The following PPP3CA variants were observed in gnomAD, a reference collection of about 807,000 sequenced individuals.
PPP3CA encodes CAM-PRP catalytic subunit.
PPP3CA carries 14 observed loss-of-function variants against 66.5 expected under a neutral mutation model. The ratio of observed to expected loss-of-function variants is 0.21; its 90% CI spans 0.14 to 0.33. The LOEUF is 0.33. PPP3CA is among the 10% of genes least tolerant of loss of function. PPP3CA has a pLI of 1.00. For synonymous variants in PPP3CA, 232 were observed against 226.2 expected (o/e 1.03, Z -0.23); for missense variants, 317 against 639.5 (o/e 0.50, Z 5.44).
At chr4:101,173,378 A>G (rs191032771) in intron 2 of PPP3CA, among the ~76,000 whole-genome samples, 2 of 152,306 alleles carry the variant, frequency 1.3e-5, no homozygotes, top group African/African-American at 2.4e-5. Context: ...TGCTAAGGAA[A>G]AAAAAAGATC....
rs376852169 is a variant in PPP3CA, at chr4:101,035,096, T to C, written c.1242-2732A>G. On this transcript the variant is annotated intron_variant, in intron 11 of 13. Coordinates refer to ENST00000394854, the MANE Select transcript of PPP3CA (RefSeq NM_000944.5). The stretch of plus-strand genomic sequence containing the variant: ...GCCTGGCCAACATGGTGAAACCTCG[T>C]CTCTACTAAAAAATATATAAAAATT... Among the ~76,000 whole-genome samples, 408 of 152,194 alleles carry C rather than the reference T, an allele frequency of 2.7e-3. 2 individuals are homozygous for C. Among genetic ancestry groups the C allele is most frequent in the African/African-American group, 9.2e-3 (381 of 41,518 alleles).
intron 1 of PPP3CA, among the ~76,000 whole-genome samples, chr4:101,270,736 G>T (rs573668314): frequency 3.3e-5 from 5 of 152,140 alleles, no homozygotes; most frequent in African/African-American, 9.7e-5. Flanking sequence ...GGCTAGTGAA[G>T]TCCTTGATGC....
At chr4:101,072,232 A>G (rs7356517) in intron 8 of PPP3CA, among the ~76,000 whole-genome samples, 9,722 of 152,330 alleles carry the variant, frequency 0.064, 360 homozygotes, top group African/African-American at 0.094. Context: ...TTTTAAAGTG[A>G]TAACAAATGA....
intron 1 of PPP3CA, among the ~76,000 whole-genome samples, chr4:101,275,861 G>T (rs1183200165): frequency 1.1e-3 from 163 of 144,662 alleles, no homozygotes; most frequent in African/African-American, 3.8e-3. Context: ...TGTATGTGTG[G>T]TTTTTTTTTT....
chr4:101,178,628 C>T (rs1264894953), intron 2 of PPP3CA, among the ~76,000 whole-genome samples: 1 of 152,038 alleles, frequency 6.6e-6, no homozygotes, highest in African/African-American at 2.4e-5. Context: ...TTCTAAATTG[C>T]ATAATTATCC....
At chr4:101,291,916 C>A (rs1482126935) in intron 1 of PPP3CA, among the ~76,000 whole-genome samples, 1 of 152,054 alleles carries the variant, frequency 6.6e-6, no homozygotes, top group Non-Finnish European at 1.5e-5. Flanking sequence ...ATCCCTTGAG[C>A]CCACGGGTTT....
chr4:101,162,163 C>T (rs1723534957), intron 2 of PPP3CA, among the ~76,000 whole-genome samples: 1 of 151,872 alleles, frequency 6.6e-6, no homozygotes, highest in African/African-American at 2.4e-5. Flanking sequence ...CCACTTGAAC[C>T]TAGGAGGGGG....
intron 1 of PPP3CA, among the ~76,000 whole-genome samples, chr4:101,217,535 C>G (rs1373757385): frequency 6.6e-6 from 1 of 152,078 alleles, no homozygotes; most frequent in East Asian, 1.9e-4. Flanking sequence ...CAGAGAGAAT[C>G]AGTCAAGGAT....
At chr4:101,335,735 T>A (rs1288820746) in intron 1 of PPP3CA, among the ~76,000 whole-genome samples, 3 of 151,488 alleles carry the variant, frequency 2.0e-5, no homozygotes, top group Non-Finnish European at 4.4e-5. Flanking sequence ...GACTTCTGAG[T>A]TCCAAGTTGG....
At chr4:101,207,192 C>T (rs1208063706) in intron 1 of PPP3CA, among the ~76,000 whole-genome samples, 1 of 152,182 alleles carries the variant, frequency 6.6e-6, no homozygotes, top group Non-Finnish European at 1.5e-5. Context: ...AACAGTGCCC[C>T]ACTGCTAACA....
intron 2 of PPP3CA, among the ~76,000 whole-genome samples, chr4:101,162,109 A>G (rs1723532573): frequency 6.6e-6 from 1 of 151,898 alleles, no homozygotes; most frequent in South Asian, 2.1e-4. Context: ...GCATGGTGGC[A>G]TGTGCCTGTA....
chr4:101,324,100 AAAAG>A (rs892634784), intron 1 of PPP3CA, among the ~76,000 whole-genome samples: 1 of 149,866 alleles, frequency 6.7e-6, no homozygotes, highest in African/African-American at 2.5e-5. Context: ...AGAGTGAGAC[AAAAG>A]AAAGAAAGAA....
At chr4:101,326,949 C>G (rs1275338500) in intron 1 of PPP3CA, among the ~76,000 whole-genome samples, 1 of 152,190 alleles carries the variant, frequency 6.6e-6, no homozygotes, top group Non-Finnish European at 1.5e-5. Flanking sequence ...TAGGCAGTAT[C>G]TATCTGCCTA....
chr4:101,165,751 A>T (rs908153373), intron 2 of PPP3CA, among the ~76,000 whole-genome samples: 17 of 152,288 alleles, frequency 1.1e-4, no homozygotes, highest in Non-Finnish European at 2.4e-4. Flanking sequence ...AATAAAAGGA[A>T]TTTATCAGAT....
chr4:101,136,069 A>G (rs1722611140), intron 2 of PPP3CA, among the ~76,000 whole-genome samples: 1 of 152,206 alleles, frequency 6.6e-6, no homozygotes, highest in Non-Finnish European at 1.5e-5. Flanking sequence ...CACTGATTAT[A>G]AGACATATGA....
At chr4:101,295,361 T>G (rs946067143) in intron 1 of PPP3CA, among the ~76,000 whole-genome samples, 1 of 151,266 alleles carries the variant, frequency 6.6e-6, no homozygotes, top group Admixed American at 6.6e-5. Context: ...TTTTAGTGGC[T>G]TCAACACCTT....
intron 3 of PPP3CA, among the ~76,000 whole-genome samples, chr4:101,105,196 C>G (rs1451818457): frequency 1.5e-5 from 2 of 137,374 alleles, no homozygotes; most frequent in Non-Finnish European, 3.1e-5. Context: ...AAGATGGAGT[C>G]TTGCTCTGTT....
At chr4:101,293,020 T>C (rs530465779) in intron 1 of PPP3CA, among the ~76,000 whole-genome samples, 1 of 152,186 alleles carries the variant, frequency 6.6e-6, no homozygotes, top group Admixed American at 6.5e-5. Flanking sequence ...TATTTCAAAA[T>C]GTTACATTAA....
chr4:101,071,151 G>A (rs1728901019), intron 8 of PPP3CA, among the ~76,000 whole-genome samples: 1 of 152,094 alleles, frequency 6.6e-6, no homozygotes, highest in African/African-American at 2.4e-5. Context: ...AGCCTAATAA[G>A]GGTAACTGTA....
Sources: gnomAD v4.1 joint callset for allele counts (sites outside exome capture counted in the v4.1 genomes callset) on GRCh38, gnomAD v4.1.1 for gene constraint, MANE v1.5 for transcripts, NCBI Gene and HGNC (gene_info 2026-07-23, HGNC 2026-07-21) for gene names.